Variants in LRIG2 observed in about 807,000 individuals in gnomAD.
LRIG2 encodes the protein leucine-rich repeats and immunoglobulin-like domains protein 2.
Under a neutral mutation model 107.8 loss-of-function variants are expected in LRIG2, and 93 were observed. That is an observed-to-expected ratio of 0.86 (90% CI 0.73 to 1.03). LRIG2 has a LOEUF of 1.03. Among genes scored for constraint, LRIG2 ranks in the 50% least tolerant of loss-of-function variants. The pLI is 0.00. For synonymous variants in LRIG2, 471 were observed against 470.6 expected, an observed-to-expected ratio of 1.00 and a Z score of -0.01; for missense variants, 1,226 against 1,296.0, an observed-to-expected ratio of 0.95 and a Z score of 0.83.
At chr1:113,078,056 G>A (rs1302637454) in intron 1 of LRIG2, among the ~76,000 whole-genome samples, 4 of 151,774 alleles carry the variant, frequency 2.6e-5, no homozygotes, top group Admixed American at 6.6e-5. Context: ...CCCTTCAAAG[G>A]ATATGAACTC....
intron 1 of LRIG2, among the ~76,000 whole-genome samples, chr1:113,082,478 C>G (rs915920971): frequency 6.6e-6 from 1 of 152,272 alleles, no homozygotes; most frequent in East Asian, 1.9e-4. Context: ...GTAGGCTGTA[C>G]AGGAAGTATG....
chr1:113,109,009 A>G (rs182005557), intron 12 of LRIG2, among the ~76,000 whole-genome samples: 131 of 152,302 alleles, frequency 8.6e-4, no homozygotes, highest in Middle Eastern at 3.4e-3. Context: ...ATATTGCCAA[A>G]TCTGTTTTCA....
chr1:113,112,564 C>G lies in LRIG2; in HGVS notation c.1884C>G (p.His628Gln). 1 of 1,614,218 alleles carries G rather than the reference C, an allele frequency of 6.2e-7. No homozygotes were observed. Among genetic ancestry groups the G allele is most frequent in the Non-Finnish European group, 8.5e-7 (1 of 1,180,034 alleles). The change falls in exon 14 of 18, where the codon CAC becomes CAG. Residue 628 changes from histidine (H) to glutamine (Q), a missense_variant. Physicochemically the swap from His to Gln is conservative, Grantham distance 24. Around this residue, in one of 3 missense-constraint regions of LRIG2, gnomAD observed 642 missense variants for 712.2 expected, o/e 0.90. Coordinates refer to ENST00000361127, the MANE Select transcript of LRIG2 (RefSeq NM_014813.3). ...MARLECAAEGHPAPQISWQKD... is the reference protein window; with the variant it reads ...MARLECAAEGQPAPQISWQKD... ...GATTAGAATGTGCTGCAGAGGGACA[C>G]CCTGCACCTCAGATTTCCTGGCAGA...
intron 8 of LRIG2, among the ~76,000 whole-genome samples, chr1:113,097,388 T>G (rs1166750935): frequency 6.6e-6 from 1 of 151,838 alleles, no homozygotes; most frequent in Non-Finnish European, 1.5e-5. Context: ...GGTTCCCAAC[T>G]TGGAGACATA....
chr1:113,075,822 A>G (rs986195144), intron 1 of LRIG2, among the ~76,000 whole-genome samples: 10 of 147,116 alleles, frequency 6.8e-5, no homozygotes, highest in Non-Finnish European at 1.3e-4. Flanking sequence ...CAGCCTCCCA[A>G]GTAGCTGGGA....
intron 1 of LRIG2, among the ~76,000 whole-genome samples, chr1:113,085,806 G>T (rs767401335): frequency 1.3e-4 from 20 of 152,140 alleles, no homozygotes; most frequent in Non-Finnish European, 2.6e-4. Context: ...CAGAAAGGAA[G>T]ACTGAAAGTT....
chr1:113,073,522 G>A lies in LRIG2; in HGVS notation c.116G>A (p.Gly39Glu), dbSNP rs559898661. The stretch of plus-strand genomic sequence containing the variant: ...GCTCTCCTCCTGTTGCCCGCCGCCG[G>A]AGCAGGTCTCTGCCCCGCGCCCTGC... ...QTALLLLPAA[G>E]AGLCPAPCSC... The change falls in exon 1 of 18, where the codon GGA (glycine) becomes GAA (glutamate). Residue 39 changes from glycine (G) to glutamate (E), a missense_variant. Gly to Glu is a moderately conservative substitution (Grantham distance 98). This residue lies in a region of LRIG2 where 570 missense variants were observed against 550.2 expected (regional missense o/e 1.04). Coordinates refer to ENST00000361127, the MANE Select transcript of LRIG2 (RefSeq NM_014813.3). The A allele has an allele frequency of 2.0e-4, 316 of 1,614,080 alleles. 2 individuals carry two copies. The South Asian group carries it at 3.3e-3, about 17-fold the overall frequency.
chr1:113,095,863 T>C lies in LRIG2; in HGVS notation c.804-11T>C, dbSNP rs1239755553. ...TGGAACGTATTTTCTTCTCTTTCTC[T>C]AATTCTGCAGAGAACTGGAACACAA... On this transcript the variant is annotated splice_polypyrimidine_tract_variant and intron_variant, in intron 6 of 17. Transcript: ENST00000361127. The C allele has an allele frequency of 1.9e-6, 3 of 1,614,114 alleles. No individual in the cohort carries two copies. The highest frequency in any genetic ancestry group is 1.7e-5 in the Admixed American group (1 of 59,992).
chr1:113,109,001 A>G (rs1654657381), intron 12 of LRIG2, among the ~76,000 whole-genome samples: 1 of 152,192 alleles, frequency 6.6e-6, no homozygotes, highest in Non-Finnish European at 1.5e-5. Context: ...GTACCTATAT[A>G]TTGCCAAATC....
At chr1:113,082,051 A>G (rs564840195) in intron 1 of LRIG2, among the ~76,000 whole-genome samples, 2 of 152,338 alleles carry the variant, frequency 1.3e-5, no homozygotes, top group Admixed American at 6.5e-5. Context: ...AAAAGCTGCT[A>G]TGTTTCCAGA....
intron 2 of LRIG2, among the ~76,000 whole-genome samples, chr1:113,092,335 C>T (rs2101033055): frequency 6.6e-6 from 1 of 152,272 alleles, no homozygotes; most frequent in South Asian, 2.1e-4. Context: ...GCTACTAAAA[C>T]ATTTGAGACA....
intron 8 of LRIG2, among the ~76,000 whole-genome samples, chr1:113,096,684 C>T (rs1307031322): frequency 6.6e-6 from 1 of 152,182 alleles, no homozygotes; most frequent in East Asian, 1.9e-4. Flanking sequence ...GTTCCTTTGA[C>T]TTTGACAATA....
In LRIG2 at chr1:113,110,528, T is replaced by C; in HGVS notation, c.1764T>C (p.Ser588=). ...GTATTGTTACTAATCACTTTGGTTC[T>C]AATTATTCTCAGAAAGCCAAACTGA... is the stretch of plus-strand genomic sequence containing the variant. ...YQCIVTNHFG[S]NYSQKAKLTV... is the part of the protein sequence containing the mutation. Residue 588 remains serine, a synonymous_variant, in exon 13 of 18, where the codon TCT becomes TCC. Transcript: ENST00000361127. 2 of 1,610,638 alleles carry C rather than the reference T, an allele frequency of 1.2e-6. No individual in the cohort carries two copies. The highest frequency in any genetic ancestry group is 1.7e-6 in the Non-Finnish European group (2 of 1,177,146).
chr1:113,076,614 T>C (rs1652993738), intron 1 of LRIG2, among the ~76,000 whole-genome samples: 1 of 152,226 alleles, frequency 6.6e-6, no homozygotes, highest in Admixed American at 6.5e-5. Context: ...TCTTCAGCAG[T>C]TGCCTTTAGC....
At chr1:113,111,558 A>C (rs1654775729) in intron 13 of LRIG2, among the ~76,000 whole-genome samples, 1 of 152,168 alleles carries the variant, frequency 6.6e-6, no homozygotes, top group African/African-American at 2.4e-5. Flanking sequence ...CCCACTTATA[A>C]GTGAGAACAT....
chr1:113,119,580 C>T, intron 17 of LRIG2, 57 bp downstream of exon 17: 2 of 1,522,288 alleles, frequency 1.3e-6, no homozygotes, highest in East Asian at 2.3e-5. Flanking sequence ...TTGACTCTTC[C>T]TTCTATCATA....
chr1:113,079,865 G>A (rs901203954), intron 1 of LRIG2, among the ~76,000 whole-genome samples: 9 of 148,596 alleles, frequency 6.1e-5, no homozygotes, highest in African/African-American at 2.0e-4. Context: ...AAGTAGCTGG[G>A]ATTACAGGCG....
At position 113,128,488 on chromosome 1, in the gene LRIG2, C is replaced by T. The variant is rs898512896; in HGVS notation, c.*4387C>T. The stretch of plus-strand genomic sequence containing the variant: ...ACATTTTTCTAGATGCTGTAAAGCC[C>T]TTTCCAGCTGTAACATTCTATGAAT... On this transcript the variant is annotated 3_prime_UTR_variant, in exon 18 of 18. Coordinates refer to ENST00000361127, the MANE Select transcript of LRIG2 (RefSeq NM_014813.3). 2 of 152,170 alleles carry T rather than the reference C, an allele frequency of 1.3e-5. No homozygotes were observed. Among genetic ancestry groups the T allele is most frequent in the Non-Finnish European group, 2.9e-5 (2 of 68,026 alleles). 9.4% of individuals were successfully genotyped at this position (152,170 alleles called of 1,614,324 possible).
At chr1:113,099,046 C>T (rs1413649070) in intron 9 of LRIG2, among the ~76,000 whole-genome samples, 2 of 151,972 alleles carry the variant, frequency 1.3e-5, no homozygotes, top group East Asian at 1.9e-4. Context: ...AAGCAATTCT[C>T]CTGCCTCAGC....
Sources: gnomAD v4.1 joint callset for allele counts (sites outside exome capture counted in the v4.1 genomes callset) on GRCh38, gnomAD v4.1.1 for gene constraint, gnomAD v4.1.1 regional missense constraint, MANE v1.5 for transcripts, NCBI Gene and HGNC (gene_info 2026-07-23, HGNC 2026-07-21) for gene names.